The following CDH8 variants were observed in gnomAD, a reference collection of about 807,000 sequenced individuals.
The protein encoded by CDH8 is cadherin 8.
A neutral mutation model predicts 68.1 loss-of-function variants in CDH8; 17 were observed. That is an observed-to-expected ratio of 0.25 (90% CI 0.17 to 0.37). The LOEUF (loss-of-function observed/expected upper bound fraction) is 0.37. Ranked by LOEUF, CDH8 falls within the 10% of genes least tolerant of loss-of-function variation. The pLI, the probability that CDH8 is intolerant of heterozygous loss-of-function variation, is 1.00. For missense variants in CDH8, 763 were observed against 999.3 expected, an observed-to-expected ratio of 0.76 and a Z score of 3.19; for synonymous variants, 372 against 365.1, an observed-to-expected ratio of 1.02 and a Z score of -0.21.
In CDH8 at chr16:61,650,868, CA is replaced by C. The variant is rs1408895105; in HGVS notation, c.*2739del. 2.6e-5 allele frequency: 4 copies of C among 151,970 alleles called. No individual in the cohort carries two copies. The highest frequency in any genetic ancestry group is 9.7e-5 in the African/African-American group (4 of 41,370). The allele number at this position is 151,970 out of a possible 1,614,324, so 9.4% of individuals were successfully genotyped here. A position where few individuals can be genotyped will look rare whatever the true frequency, so the allele number is the denominator to read the frequency against. ...ACAAGACCTGAAATAGGCTTTTAAA[CA>C]CAAAATGCTGACACTGTGGTGGCAA... On this transcript the variant is annotated 3_prime_UTR_variant, in exon 12 of 12. Transcript: ENST00000577390.
chr16:61,654,085 A>G lies in CDH8; in HGVS notation c.1923T>C (p.Phe641=), dbSNP rs1963388424. The part of the protein sequence containing the change: ...IILLLVIVVL[F]VTLRRHKNEP... ...CATTTTTATGCCGCCGTAGAGTTACAAACAGCACCACGATGACTAGAGGAA... is the reference window on the plus strand; with the variant it reads ...CATTTTTATGCCGCCGTAGAGTTACGAACAGCACCACGATGACTAGAGGAA... The change falls in exon 12 of 12, where the codon TTT becomes TTC. Residue 641 remains phenylalanine, a synonymous_variant. Coordinates refer to ENST00000577390, the MANE Select transcript of CDH8 (RefSeq NM_001796.5). The G allele has an allele frequency of 6.2e-7, 1 of 1,613,142 alleles. No individual in the cohort carries two copies. The highest frequency in any genetic ancestry group is 8.5e-7 in the Non-Finnish European group (1 of 1,179,618).
intron 4 of CDH8, among the ~76,000 whole-genome samples, chr16:61,834,959 T>A (rs929946856): frequency 1.3e-5 from 2 of 151,910 alleles, no homozygotes; most frequent in Admixed American, 6.6e-5. Flanking sequence ...AATTTTTTTT[T>A]AATTTGCCTA....
At chr16:61,730,858 TTTTG>T (rs1218909413) in intron 8 of CDH8, among the ~76,000 whole-genome samples, 3 of 151,684 alleles carry the variant, frequency 2.0e-5, no homozygotes, top group Non-Finnish European at 3.0e-5. Context: ...CACCGTTCAA[TTTTG>T]TTTGTTTGTT....
intron 2 of CDH8, among the ~76,000 whole-genome samples, chr16:61,906,170 T>C (rs1964058115): frequency 6.6e-6 from 1 of 152,122 alleles, no homozygotes; most frequent in South Asian, 2.1e-4. Context: ...AAATAAATGG[T>C]TTCAAAAAGG....
At chr16:61,783,768 G>C (rs964387476) in intron 8 of CDH8, among the ~76,000 whole-genome samples, 2 of 152,008 alleles carry the variant, frequency 1.3e-5, no homozygotes, top group African/African-American at 2.4e-5. Flanking sequence ...CCAGAAGAGA[G>C]TGGGGCCAAT....
intron 2 of CDH8, among the ~76,000 whole-genome samples, chr16:62,006,439 C>T (rs1000231285): frequency 2.6e-5 from 4 of 152,136 alleles, no homozygotes; most frequent in Non-Finnish European, 4.4e-5. Context: ...GGGACAGTGA[C>T]TAAATTTCTC....
intron 8 of CDH8, among the ~76,000 whole-genome samples, chr16:61,778,435 T>C (rs557416112): frequency 1.8e-4 from 28 of 152,210 alleles, no homozygotes; most frequent in East Asian, 9.7e-4. Context: ...GGCTATGCAA[T>C]GCAGAAACAT....
intron 4 of CDH8, among the ~76,000 whole-genome samples, chr16:61,834,191 T>C (rs769853369): frequency 8.6e-5 from 13 of 151,876 alleles, no homozygotes; most frequent in Non-Finnish European, 1.8e-4. Context: ...TTGAAAACTA[T>C]TAATAATTGC....
intron 8 of CDH8, among the ~76,000 whole-genome samples, chr16:61,747,402 ATTCACTTTTAAAATACTCATCATG>A (rs1178037389): frequency 2.0e-5 from 3 of 152,036 alleles, no homozygotes; most frequent in African/African-American, 4.8e-5. Context: ...AGCTTCAAAA[ATTCACTTTTAAAATACTCATCATG>A]TTCACTTTTA....
chr16:61,720,026 A>G (rs1266074908), intron 9 of CDH8, among the ~76,000 whole-genome samples: 1 of 148,026 alleles, frequency 6.8e-6, no homozygotes, highest in Non-Finnish European at 1.5e-5. Context: ...CACACACACC[A>G]AACCACATCA....
chr16:61,830,703 C>T (rs749471131), intron 4 of CDH8, among the ~76,000 whole-genome samples: 9 of 151,676 alleles, frequency 5.9e-5, no homozygotes, highest in South Asian at 2.1e-4. Flanking sequence ...TCCATTACAC[C>T]GGTGCGGCGA....
intron 6 of CDH8, 73 bp downstream of exon 6, chr16:61,820,853 A>G (rs922007037): frequency 6.8e-6 from 9 of 1,323,756 alleles, no homozygotes; most frequent in Non-Finnish European, 9.6e-6. Context: ...GGAACTCCAC[A>G]CAAGTCCCTC....
At chr16:61,767,670 G>A (rs1211785732) in intron 8 of CDH8, among the ~76,000 whole-genome samples, 1 of 151,836 alleles carries the variant, frequency 6.6e-6, no homozygotes, top group Non-Finnish European at 1.5e-5. Flanking sequence ...GAGATTTAGG[G>A]TTTTGTCCTC....
rs1191493976 is a variant in CDH8, at chr16:61,858,076, CACACACACACACAT to C, written c.548-852_548-839del. On this transcript the variant is annotated intron_variant, in intron 3 of 11. Coordinates refer to ENST00000577390, the MANE Select transcript of CDH8 (RefSeq NM_001796.5). ...AGACATGTAAATAATCAAACACACA[CACACACACACACAT>C]ACACACACACACAACAAATCTTTAC... is the stretch of plus-strand genomic sequence containing the variant. Among the ~76,000 whole-genome samples, 4 of 152,030 alleles carry C rather than the reference CACACACACACACAT, an allele frequency of 2.6e-5. No homozygotes were observed. In the East Asian group the frequency reaches 7.7e-4, roughly 29 times the overall value.
chr16:61,896,822 T>C (rs1416863350), intron 3 of CDH8, among the ~76,000 whole-genome samples: 2 of 152,128 alleles, frequency 1.3e-5, no homozygotes, highest in Admixed American at 6.5e-5. Flanking sequence ...CTTATTTACT[T>C]TTTGGCATAC....
intron 2 of CDH8, among the ~76,000 whole-genome samples, chr16:61,986,122 C>T (rs1374274744): frequency 3.3e-5 from 5 of 151,456 alleles, no homozygotes; most frequent in African/African-American, 1.2e-4. Context: ...TAGGGTTTCA[C>T]CATGTTGGCC....
At chr16:61,662,786 A>G (rs1312959118) in intron 10 of CDH8, among the ~76,000 whole-genome samples, 2 of 151,874 alleles carry the variant, frequency 1.3e-5, no homozygotes, top group African/African-American at 4.8e-5. Flanking sequence ...ATACTATGCC[A>G]TTTTATGTAA....
chr16:61,795,400 T>C (rs1005345607), intron 7 of CDH8, among the ~76,000 whole-genome samples: 2 of 151,990 alleles, frequency 1.3e-5, no homozygotes, highest in African/African-American at 4.8e-5. Context: ...GAGTCTTCAG[T>C]GGAATCTCAC....
At chr16:61,796,277 T>C (rs1338767157) in intron 7 of CDH8, among the ~76,000 whole-genome samples, 1 of 152,116 alleles carries the variant, frequency 6.6e-6, no homozygotes. Flanking sequence ...TCTAGTATTT[T>C]TATCTTTAGA....
Sources: allele counts gnomAD v4.1 joint callset (sites outside exome capture counted in the v4.1 genomes callset), GRCh38; gene constraint gnomAD v4.1.1; transcripts MANE v1.5; gene names NCBI Gene and HGNC (gene_info 2026-07-23, HGNC 2026-07-21).